The following ANO4 variants were observed in gnomAD, a reference collection of about 807,000 sequenced individuals.
ANO4 encodes anoctamin-4.
A neutral mutation model predicts 141.9 loss-of-function variants in ANO4; 69 were observed. The ratio of observed to expected loss-of-function variants is 0.49; its 90% CI spans 0.40 to 0.59. ANO4 has a LOEUF of 0.59. ANO4 is among the 20% of genes least tolerant of loss of function. The pLI is 0.00. For missense variants in ANO4, 894 were observed against 1,162.2 expected (o/e 0.77, Z 3.36); for synonymous variants, 350 against 394.3 (o/e 0.89, Z 1.33).
chr12:100,739,165 T>C (rs1003581127), intron 2 of ANO4, among the ~76,000 whole-genome samples: 1 of 149,394 alleles, frequency 6.7e-6, no homozygotes, highest in African/African-American at 2.4e-5. Flanking sequence ...TATAAAAGTT[T>C]ATATATGTAA....
At chr12:100,983,013 T>TA (rs2044550874) in intron 7 of ANO4, among the ~76,000 whole-genome samples, 1 of 152,200 alleles carries the variant, frequency 6.6e-6, no homozygotes, top group Admixed American at 6.5e-5. Flanking sequence ...ACTTGAATCT[T>TA]ATGCTTTCCA....
chr12:100,801,118 T>C lies in ANO4; in HGVS notation c.-141+6091T>C, dbSNP rs566538060. 4.9e-4 allele frequency among the ~76,000 whole-genome samples: 74 copies of C among 151,844 alleles called. 1 individual carries two copies. The highest frequency in any genetic ancestry group is 1.7e-3 in the African/African-American group (71 of 41,214). On this transcript the variant is annotated intron_variant, in intron 1 of 27. Transcript: ENST00000392977. Reference sequence around the variant, plus strand: ...GTCTCTCTCTCTCTCTCTCTCTCTCTCTCTCTCAAACAGACTTTTTGTTTC... The same window carrying C: ...GTCTCTCTCTCTCTCTCTCTCTCTCCCTCTCTCAAACAGACTTTTTGTTTC...
In ANO4 at chr12:100,968,676, GT is replaced by G. The variant is rs200139729; in HGVS notation, c.457-2629del. Among the ~76,000 whole-genome samples, 1,088 of 152,268 alleles carry G rather than the reference GT, an allele frequency of 7.1e-3. 14 individuals are homozygous for G. Among genetic ancestry groups the G allele is most frequent in the African/African-American group, 0.025 (1,044 of 41,552 alleles). ...AAAAGAACTATTTTTAGGAAATACA[GT>G]CTTTCTTCTGCTTTATAACTTGGAA... On this transcript the variant is annotated intron_variant, in intron 5 of 27. Transcript: ENST00000392977.
rs574180378 is a variant in ANO4 at position 100,780,352 on chromosome 12, C to T, written c.358+40247C>T. Among the ~76,000 whole-genome samples, 10 of 152,170 alleles carry T rather than the reference C, an allele frequency of 6.6e-5. No homozygotes were observed. In the South Asian group the frequency reaches 1.7e-3, roughly 25 times the overall value. ...ACGGGGTGCAGCAAAATGGCTGCTC[C>T]ACAGACAGAGCAGGGCTATCTCATA... On this transcript the variant is annotated intron_variant, in intron 3 of 29. Coordinates refer to the ANO4 transcript ENST00000644049.
At chr12:101,021,004 G>T (rs115461502) in intron 9 of ANO4, among the ~76,000 whole-genome samples, 1,567 of 152,288 alleles carry the variant, frequency 0.01, 24 homozygotes, top group African/African-American at 0.036. Flanking sequence ...GAGTAATGGA[G>T]GGTTGGCTAG....
In ANO4 at chr12:100,969,347, G is replaced by T. The variant is rs532762845; in HGVS notation, c.457-1959G>T. ...ATAAAACCTCATTTCAGCCTGAACTGCCAGAAAGTTAGACTTTTCAGACCA... is the reference window on the plus strand; with the variant it reads ...ATAAAACCTCATTTCAGCCTGAACTTCCAGAAAGTTAGACTTTTCAGACCA... On this transcript the variant is annotated intron_variant, in intron 5 of 27. Transcript: ENST00000392977. 3.7e-4 allele frequency among the ~76,000 whole-genome samples: 56 copies of T among 152,272 alleles called. No homozygotes were observed. In the South Asian group the frequency reaches 5.4e-3, roughly 15 times the overall value.
chr12:100,867,885 C>T (rs1376754902), intron 1 of ANO4, among the ~76,000 whole-genome samples: 2 of 152,130 alleles, frequency 1.3e-5, no homozygotes, highest in Non-Finnish European at 2.9e-5. Flanking sequence ...TCTTTCATTG[C>T]CCTCATGCAA....
intron 7 of ANO4, among the ~76,000 whole-genome samples, chr12:100,975,212 T>G (rs2136285853): frequency 6.6e-6 from 1 of 151,890 alleles, no homozygotes; most frequent in South Asian, 2.1e-4. Flanking sequence ...TGGATTTTGG[T>G]TACGTGGATA....
At chr12:100,814,640 G>A (rs969181550) in intron 1 of ANO4, among the ~76,000 whole-genome samples, 3 of 152,002 alleles carry the variant, frequency 2.0e-5, no homozygotes, top group African/African-American at 7.3e-5. Context: ...GATCCCAATG[G>A]CCAAGAATAC....
chr12:100,739,031 A>ATC (rs1565846788), intron 2 of ANO4, among the ~76,000 whole-genome samples: 3 of 21,266 alleles, frequency 1.4e-4, no homozygotes, highest in African/African-American at 3.2e-4. Flanking sequence ...TATATATATA[A>ATC]TCTCTAAATC....
intron 24 of ANO4, among the ~76,000 whole-genome samples, chr12:101,114,024 C>T (rs150697091): frequency 4.0e-4 from 61 of 152,318 alleles, no homozygotes; most frequent in Non-Finnish European, 7.8e-4. Flanking sequence ...TGGTACTTCT[C>T]AATTCTCCCT....
chr12:101,095,097 C>T (rs759983932), intron 18 of ANO4, among the ~76,000 whole-genome samples: 6 of 152,192 alleles, frequency 3.9e-5, no homozygotes, highest in Non-Finnish European at 5.9e-5. Flanking sequence ...CCACAACTTG[C>T]TTTAATGCAT....
intron 24 of ANO4, 108 bp from the exon 25 acceptor site, chr12:101,116,571 T>C (rs922992836): frequency 8.6e-6 from 13 of 1,508,100 alleles, no homozygotes; most frequent in Admixed American, 8.6e-5. Context: ...GAAGGGCCAG[T>C]TAAAGGCATT....
intron 3 of ANO4, among the ~76,000 whole-genome samples, chr12:100,755,967 A>G (rs948470583): frequency 1.3e-5 from 2 of 152,186 alleles, no homozygotes; most frequent in African/African-American, 4.8e-5. Flanking sequence ...GAGATTCTGA[A>G]TAGTTATCAC....
At chr12:100,787,144 A>G (rs974715014) in intron 3 of ANO4, among the ~76,000 whole-genome samples, 4 of 152,238 alleles carry the variant, frequency 2.6e-5, no homozygotes, top group African/African-American at 7.2e-5. Context: ...TCTGAAGGAA[A>G]CACATAGTAA....
At chr12:100,871,764 A>G (rs2039046924) in intron 1 of ANO4, among the ~76,000 whole-genome samples, 2 of 152,186 alleles carry the variant, frequency 1.3e-5, no homozygotes, top group South Asian at 4.1e-4. Flanking sequence ...GCAAAGGATG[A>G]GGGAGCTCTC....
intron 9 of ANO4, among the ~76,000 whole-genome samples, chr12:101,032,322 G>A (rs1372954135): frequency 6.6e-6 from 1 of 152,152 alleles, no homozygotes; most frequent in Admixed American, 6.5e-5. Context: ...ACAGAAACAA[G>A]CAATGGGGAA....
chr12:101,110,880 ACCTT>A (rs542556439), intron 23 of ANO4, among the ~76,000 whole-genome samples: 8,619 of 152,284 alleles, frequency 0.057, 780 homozygotes, highest in African/African-American at 0.19. Context: ...CATTTGCTTA[ACCTT>A]GATTTGTTCT....
chr12:100,969,301 C>G (rs775921176), intron 5 of ANO4, among the ~76,000 whole-genome samples: 5 of 152,152 alleles, frequency 3.3e-5, no homozygotes, highest in Admixed American at 6.5e-5. Context: ...ACTCAGGGCA[C>G]TACTTGTCCC....
Sources: allele counts gnomAD v4.1 joint callset (sites outside exome capture counted in the v4.1 genomes callset), GRCh38; gene constraint gnomAD v4.1.1; transcripts MANE v1.5; gene names NCBI Gene and HGNC (gene_info 2026-07-23, HGNC 2026-07-21).